DIP2B: variants seen among roughly 807,000 people sequenced by gnomAD.
The protein encoded by DIP2B is disco-interacting protein 2 homolog B.
Under a neutral mutation model 198.0 loss-of-function variants are expected in DIP2B, and 76 were observed. That is an observed-to-expected ratio of 0.38 (90% CI 0.32 to 0.46). DIP2B has a LOEUF of 0.46. Ranked by LOEUF, DIP2B falls within the 20% of genes least tolerant of loss-of-function variation. The probability of loss-of-function intolerance (pLI) is 0.99; values close to 1 mark genes in which losing one functional copy is unlikely to be tolerated. For missense variants in DIP2B, 1,559 were observed against 1,978.4 expected (o/e 0.79, Z 4.02); for synonymous variants, 701 against 739.1 (o/e 0.95, Z 0.84).
Position 50,614,963 on chromosome 12 carries a change from G to A in DIP2B, c.101-11013G>A, listed in dbSNP as rs115260300. 4.2e-3 allele frequency among the ~76,000 whole-genome samples: 636 copies of A among 152,094 alleles called. 6 individuals carry two copies. Among genetic ancestry groups the A allele is most frequent in the African/African-American group, 0.014 (588 of 41,472 alleles). On this transcript the variant is annotated intron_variant, in intron 1 of 37. Transcript: ENST00000301180. ...CTTTAAAAGCTTTCACTTTTTTTGCGCCTGCCAAAGGAGATACTTAGATTT... is the reference window on the plus strand; with the variant it reads ...CTTTAAAAGCTTTCACTTTTTTTGCACCTGCCAAAGGAGATACTTAGATTT...
intron 3 of DIP2B, among the ~76,000 whole-genome samples, chr12:50,642,823 A>G (rs1938281799): frequency 6.6e-6 from 1 of 152,178 alleles, no homozygotes; most frequent in Non-Finnish European, 1.5e-5. Context: ...GTTACTAGTT[A>G]AGGAATGGAT....
chr12:50,537,201 T>TG (rs1593589301), intron 1 of DIP2B, among the ~76,000 whole-genome samples: 1 of 138,968 alleles, frequency 7.2e-6, no homozygotes, highest in East Asian at 2.4e-4. Context: ...GCTCAAGCGA[T>TG]CCACCTGCCT....
intron 23 of DIP2B, among the ~76,000 whole-genome samples, chr12:50,716,529 A>AAAAACAAAAC (rs367684144): frequency 2.0e-5 from 3 of 152,034 alleles, no homozygotes; most frequent in Non-Finnish European, 2.9e-5. Flanking sequence ...CTCTGTCTCA[A>AAAAACAAAAC]AAAACAAAAC....
At chr12:50,567,757 A>T (rs1196173396) in intron 1 of DIP2B, among the ~76,000 whole-genome samples, 1 of 152,122 alleles carries the variant, frequency 6.6e-6, no homozygotes. Flanking sequence ...CGAACTCCTG[A>T]CCTCAGATGA....
chr12:50,572,361 A>G (rs1014207672), intron 1 of DIP2B, among the ~76,000 whole-genome samples: 2 of 152,346 alleles, frequency 1.3e-5, no homozygotes, highest in East Asian at 3.9e-4. Context: ...AAGTTAAAAT[A>G]TATTTCCTAG....
At chr12:50,696,440 CTT>C (rs1487077334) in intron 16 of DIP2B, among the ~76,000 whole-genome samples, 1 of 152,158 alleles carries the variant, frequency 6.6e-6, no homozygotes, top group Non-Finnish European at 1.5e-5. Context: ...ACTCATTCAT[CTT>C]TTGATGGATC....
intron 4 of DIP2B, among the ~76,000 whole-genome samples, chr12:50,669,439 T>G (rs759957696): frequency 1.3e-5 from 2 of 152,142 alleles, no homozygotes; most frequent in African/African-American, 4.8e-5. Flanking sequence ...GTTTTTGTTT[T>G]TGAAATGGAG....
At chr12:50,576,388 A>G (rs979186010) in intron 1 of DIP2B, among the ~76,000 whole-genome samples, 21 of 150,072 alleles carry the variant, frequency 1.4e-4, no homozygotes, top group Non-Finnish European at 2.9e-5. Context: ...TACATTTTTA[A>G]ATGCTTGTTT....
chr12:50,606,491 A>T (rs1016823261), intron 1 of DIP2B, among the ~76,000 whole-genome samples: 6 of 152,276 alleles, frequency 3.9e-5, no homozygotes, highest in African/African-American at 1.4e-4. Context: ...TCATCAGTTG[A>T]TGGACATTTG....
chr12:50,645,459 CTTTT>C (rs11454537), intron 3 of DIP2B, among the ~76,000 whole-genome samples: 3 of 137,992 alleles, frequency 2.2e-5, no homozygotes, highest in Non-Finnish European at 3.1e-5. Flanking sequence ...GTACAAAATC[CTTTT>C]TTTTTTTTTT....
chr12:50,524,924 C>A (rs554589890), intron 1 of DIP2B, among the ~76,000 whole-genome samples: 1 of 152,242 alleles, frequency 6.6e-6, no homozygotes, highest in East Asian at 1.9e-4. Context: ...CAGGGTCTTG[C>A]CATGTTTCCC....
At chr12:50,605,990 T>C (rs922542472) in intron 1 of DIP2B, among the ~76,000 whole-genome samples, 9 of 147,620 alleles carry the variant, frequency 6.1e-5, no homozygotes, top group Non-Finnish European at 1.4e-4. Context: ...CCCGGCTACT[T>C]TTTTGTATTT....
chr12:50,565,258 A>G (rs1417031615), intron 1 of DIP2B, among the ~76,000 whole-genome samples: 1 of 151,406 alleles, frequency 6.6e-6, no homozygotes, highest in Admixed American at 6.6e-5. Flanking sequence ...CAGCCTCCCA[A>G]AGTGCTGGGA....
intron 1 of DIP2B, among the ~76,000 whole-genome samples, chr12:50,558,777 A>G (rs891676167): frequency 7.2e-5 from 11 of 152,180 alleles, no homozygotes; most frequent in African/African-American, 2.7e-4. Flanking sequence ...CTTAGTGGCA[A>G]TGGGGGAGCA....
chr12:50,701,538 C>T (rs149156247), intron 19 of DIP2B, among the ~76,000 whole-genome samples: 1,638 of 152,190 alleles, frequency 0.011, 23 homozygotes, highest in African/African-American at 0.038. Flanking sequence ...CCTGCCACCA[C>T]GCCTGGCTAG....
Position 50,723,214 on chromosome 12 carries a change from T to A in DIP2B, c.3179T>A (p.Ile1060Asn). Residue 1060 changes from isoleucine to asparagine, a missense_variant, in exon 27 of 38, where the codon ATC (isoleucine) becomes AAC (asparagine). Transcript: ENST00000301180. ...VLLYPPGIEL[I>N]AAFYGCLYAG... Reference sequence around the variant, plus strand: ...CTTTGTCTTGCAGGCATTGAGTTAATCGCCGCCTTCTATGGCTGCCTGTAT... The same window carrying A: ...CTTTGTCTTGCAGGCATTGAGTTAAACGCCGCCTTCTATGGCTGCCTGTAT... The A allele has an allele frequency of 6.2e-7, 1 of 1,614,172 alleles. No individual in the cohort carries two copies. The highest frequency in any genetic ancestry group is 8.5e-7 in the Non-Finnish European group (1 of 1,180,036).
chr12:50,579,079 T>C (rs1375954847), intron 1 of DIP2B, among the ~76,000 whole-genome samples: 1 of 152,162 alleles, frequency 6.6e-6, no homozygotes, highest in African/African-American at 2.4e-5. Context: ...TACAATTCTG[T>C]GTTGTGTCAA....
intron 2 of DIP2B, among the ~76,000 whole-genome samples, chr12:50,639,289 C>A (rs1345726537): frequency 6.6e-6 from 1 of 151,968 alleles, no homozygotes; most frequent in Non-Finnish European, 1.5e-5. Context: ...TGGTTGCCAA[C>A]TGAGGTCATT....
intron 1 of DIP2B, among the ~76,000 whole-genome samples, chr12:50,582,166 T>C (rs1226795092): frequency 5.7e-5 from 7 of 121,902 alleles, no homozygotes; most frequent in Middle Eastern, 4.3e-3. Flanking sequence ...TTTTTTTTTT[T>C]TTTGAGTGGA....
Sources: gnomAD v4.1 joint callset for allele counts (sites outside exome capture counted in the v4.1 genomes callset) on GRCh38, gnomAD v4.1.1 for gene constraint, MANE v1.5 for transcripts, NCBI Gene and HGNC (gene_info 2026-07-23, HGNC 2026-07-21) for gene names.